Variants in NRCAM observed in about 807,000 individuals in gnomAD.
NRCAM encodes the protein NgCAM-related cell adhesion molecule.
Under a neutral mutation model 156.5 loss-of-function variants are expected in NRCAM, and 83 were observed. The ratio of observed to expected loss-of-function variants is 0.53; its 90% CI spans 0.44 to 0.64. The LOEUF (loss-of-function observed/expected upper bound fraction) is 0.64. Among genes scored for constraint, NRCAM ranks in the 30% least tolerant of loss-of-function variants. NRCAM has a pLI of 0.00. For synonymous variants in NRCAM, 538 were observed against 563.9 expected (o/e 0.95, Z 0.65); for missense variants, 1,417 against 1,597.3 (o/e 0.89, Z 1.92).
intron 17 of NRCAM, among the ~76,000 whole-genome samples, chr7:108,193,085 C>T (rs968057245): frequency 6.6e-6 from 1 of 152,154 alleles, no homozygotes; most frequent in Non-Finnish European, 1.5e-5. Flanking sequence ...TGCAGTGGTA[C>T]AGTCATGGCT....
chr7:108,365,388 AGTTTT>A (rs931294689), intron 2 of NRCAM, among the ~76,000 whole-genome samples: 1 of 152,064 alleles, frequency 6.6e-6, no homozygotes, highest in African/African-American at 2.4e-5. Flanking sequence ...TATCTTCAAA[AGTTTT>A]ATTTTATTTT....
chr7:108,404,148 G>C (rs139427569), intron 1 of NRCAM, among the ~76,000 whole-genome samples: 1 of 152,156 alleles, frequency 6.6e-6, no homozygotes. Flanking sequence ...AAAGTGAAGT[G>C]CCTCAGAGGG....
intron 2 of NRCAM, among the ~76,000 whole-genome samples, chr7:108,316,328 C>T (rs2098919984): frequency 6.6e-6 from 1 of 152,198 alleles, no homozygotes; most frequent in Admixed American, 6.5e-5. Flanking sequence ...AGATGCAGGC[C>T]TCTTGAACTT....
intron 2 of NRCAM, among the ~76,000 whole-genome samples, chr7:108,367,818 T>G (rs1043539679): frequency 6.6e-6 from 1 of 152,194 alleles, no homozygotes; most frequent in Non-Finnish European, 1.5e-5. Flanking sequence ...CCAAAATGGT[T>G]GGAAAATGTG....
At chr7:108,436,480 C>A (rs1384925252) in intron 1 of NRCAM, among the ~76,000 whole-genome samples, 2 of 152,102 alleles carry the variant, frequency 1.3e-5, no homozygotes, top group African/African-American at 4.8e-5. Flanking sequence ...AAGTGATATG[C>A]CTTCAGGAAT....
At chr7:108,353,759 A>T (rs1231929822) in intron 2 of NRCAM, among the ~76,000 whole-genome samples, 1 of 152,264 alleles carries the variant, frequency 6.6e-6, no homozygotes, top group Non-Finnish European at 1.5e-5. Flanking sequence ...ATTTGTTGAA[A>T]GAATAAATGA....
intron 3 of NRCAM, among the ~76,000 whole-genome samples, chr7:108,307,335 T>C (rs994888001): frequency 3.9e-5 from 6 of 152,232 alleles, no homozygotes; most frequent in East Asian, 3.8e-4. Flanking sequence ...GGCATGCCCA[T>C]TGTTTCACTG....
intron 13 of NRCAM, among the ~76,000 whole-genome samples, chr7:108,199,580 C>T (rs574722190): frequency 6.6e-6 from 1 of 152,258 alleles, no homozygotes; most frequent in South Asian, 2.1e-4. Context: ...ATTCCTTGGC[C>T]CATGGTCCTC....
At position 108,335,434 on chromosome 7, in the gene NRCAM, C is replaced by CTTTTTTTT. The variant is rs58975301; in HGVS notation, c.-173-22711_-173-22704dup. On this transcript the variant is annotated intron_variant, in intron 2 of 32. Transcript: ENST00000379028. Reference sequence around the variant, plus strand: ...ATGTCCTGTGGATCTGTTCCACCTGCTTTTTTTTTTTTTTTTTTTTTTTTT... The same window carrying CTTTTTTTT: ...ATGTCCTGTGGATCTGTTCCACCTGCTTTTTTTTTTTTTTTTTTTTTTTTTTTTTTTTT... 4.9e-3 allele frequency among the ~76,000 whole-genome samples: 345 copies of CTTTTTTTT among 69,844 alleles called. 8 individuals carry two copies. Among genetic ancestry groups the CTTTTTTTT allele is most frequent in the African/African-American group, 9.7e-3 (165 of 17,022 alleles). The allele number at this position is 69,844 out of a possible 152,430, so 45.8% of individuals were successfully genotyped here.
intron 1 of NRCAM, among the ~76,000 whole-genome samples, chr7:108,447,713 T>C (rs1233207038): frequency 6.6e-6 from 1 of 152,230 alleles, no homozygotes; most frequent in Non-Finnish European, 1.5e-5. Context: ...TCTTAGTAAA[T>C]TCTTCTCAAT....
intron 1 of NRCAM, among the ~76,000 whole-genome samples, chr7:108,429,379 A>C (rs1821865682): frequency 6.6e-6 from 1 of 152,144 alleles, no homozygotes; most frequent in African/African-American, 2.4e-5. Context: ...ATTAGTAGAG[A>C]CATGGCTTTA....
At chr7:108,418,323 A>T (rs2057982) in intron 1 of NRCAM, among the ~76,000 whole-genome samples, 123,074 of 152,122 alleles carry the variant, frequency 0.81, 51,065 homozygotes, top group East Asian at 0.95. Flanking sequence ...CAAAGCATCT[A>T]TTGAGAAGAA....
At chr7:108,344,022 G>A (rs1173347724) in intron 2 of NRCAM, among the ~76,000 whole-genome samples, 1 of 152,150 alleles carries the variant, frequency 6.6e-6, no homozygotes, top group Non-Finnish European at 1.5e-5. Context: ...CCCATGCTCT[G>A]ATGTTAATGA....
At chr7:108,299,138 GAAAA>G (rs1563164718) in intron 3 of NRCAM, among the ~76,000 whole-genome samples, 12 of 81,860 alleles carry the variant, frequency 1.5e-4, no homozygotes, top group East Asian at 1.4e-3. Flanking sequence ...AAGAAAGAAA[GAAAA>G]GAAAAGTAAA....
chr7:108,218,605 T>C (rs2090753764), intron 11 of NRCAM, among the ~76,000 whole-genome samples: 1 of 152,152 alleles, frequency 6.6e-6, no homozygotes, highest in Non-Finnish European at 1.5e-5. Context: ...TGCTCCTGAA[T>C]GATCATTGGG....
At chr7:108,402,236 T>C (rs1423722500) in intron 1 of NRCAM, among the ~76,000 whole-genome samples, 3 of 152,238 alleles carry the variant, frequency 2.0e-5, no homozygotes, top group African/African-American at 7.2e-5. Context: ...AAGAGAAGTA[T>C]CCATGTCGCA....
chr7:108,386,434 C>T (rs1441795521), intron 2 of NRCAM, among the ~76,000 whole-genome samples: 1 of 152,120 alleles, frequency 6.6e-6, no homozygotes, highest in Non-Finnish European at 1.5e-5. Context: ...ATAAATTATT[C>T]TTCAAAGTTG....
At chr7:108,228,328 A>AAC (rs535188662) in intron 8 of NRCAM, among the ~76,000 whole-genome samples, 6,171 of 151,966 alleles carry the variant, frequency 0.041, 169 homozygotes, top group Middle Eastern at 0.068. Context: ...TCTAAAACAA[A>AAC]AAAAAAAACC....
chr7:108,378,197 A>G (rs901355572), intron 2 of NRCAM, among the ~76,000 whole-genome samples: 14 of 152,216 alleles, frequency 9.2e-5, no homozygotes, highest in African/African-American at 3.4e-4. Context: ...ATATAAATTA[A>G]GTGTGCTATT....
Sources: allele counts gnomAD v4.1 joint callset (sites outside exome capture counted in the v4.1 genomes callset), GRCh38; gene constraint gnomAD v4.1.1; transcripts MANE v1.5; gene names NCBI Gene and HGNC (gene_info 2026-07-23, HGNC 2026-07-21).